RPS6KC1: variants seen among roughly 807,000 people sequenced by gnomAD.
The protein encoded by RPS6KC1 is ribosomal protein S6 kinase C1, also known as inactive ribosomal protein S6 kinase delta-1.
RPS6KC1 carries 54 observed loss-of-function variants against 103.8 expected under a neutral mutation model. That is an observed-to-expected ratio of 0.52 (90% CI 0.42 to 0.65). RPS6KC1 has a LOEUF of 0.65. Among genes scored for constraint, RPS6KC1 ranks in the 30% least tolerant of loss-of-function variants. RPS6KC1 has a pLI of 0.00. For missense variants in RPS6KC1, 1,151 were observed against 1,253.8 expected (o/e 0.92, Z 1.24); for synonymous variants, 439 against 438.7 (o/e 1.00, Z -0.01).
At chr1:213,188,664 A>G (rs1280472137) in intron 8 of RPS6KC1, among the ~76,000 whole-genome samples, 1 of 152,212 alleles carries the variant, frequency 6.6e-6, no homozygotes, top group Non-Finnish European at 1.5e-5. Context: ...AGATGTAAAT[A>G]TAACAAGACA....
At position 213,064,211 on chromosome 1, in the gene RPS6KC1, C is replaced by T. The variant is rs2078087627; in HGVS notation, c.106-6795C>T. 2.0e-5 allele frequency among the ~76,000 whole-genome samples: 3 copies of T among 152,084 alleles called. No homozygotes were observed. The East Asian group carries it at 5.8e-4, about 29-fold the overall frequency. ...AGTTGGGACTACAGGCACATGCCAC[C>T]ACACCCGGCTCATTTTTGTATTTTT... On this transcript the variant is annotated intron_variant, in intron 1 of 14. Coordinates refer to ENST00000366960, the MANE Select transcript of RPS6KC1 (RefSeq NM_012424.6).
At chr1:213,614,688 A>T in the RPS6KC1 span, among the ~76,000 whole-genome samples, 2 of 152,104 alleles carry the variant, frequency 1.3e-5, no homozygotes, top group African/African-American at 4.8e-5. Context: ...TTCCTTTTGA[A>T]TGATGGCAAT....
At chr1:213,812,428 A>T in the RPS6KC1 span, among the ~76,000 whole-genome samples, 2 of 152,198 alleles carry the variant, frequency 1.3e-5, no homozygotes, top group Non-Finnish European at 2.9e-5. Context: ...TCTCCTTAAC[A>T]CAGTGTATGA....
At chr1:213,353,906 A>C in the RPS6KC1 span, among the ~76,000 whole-genome samples, 11,281 of 152,270 alleles carry the variant, frequency 0.074, 492 homozygotes, top group Middle Eastern at 0.11. Flanking sequence ...GATGTGGAAA[A>C]GCCGAGGGAA....
At chr1:213,441,845 C>A in the RPS6KC1 span, among the ~76,000 whole-genome samples, 19 of 152,272 alleles carry the variant, frequency 1.2e-4, no homozygotes, top group Admixed American at 5.2e-4. Flanking sequence ...GAGTAATTTT[C>A]AAATGTTCTC....
intron 3 of RPS6KC1, among the ~76,000 whole-genome samples, chr1:213,084,913 G>A (rs756657901): frequency 1.8e-4 from 27 of 152,190 alleles, no homozygotes; most frequent in Non-Finnish European, 3.4e-4. Context: ...GGCACATGAT[G>A]TCTGTCTGCC....
the RPS6KC1 span, among the ~76,000 whole-genome samples, chr1:213,784,355 G>T: frequency 1.2e-4 from 19 of 152,286 alleles, no homozygotes; most frequent in African/African-American, 4.1e-4. Flanking sequence ...CATGAAGTTG[G>T]TCAAAGCCAC....
the RPS6KC1 span, chr1:213,836,106 A>G: frequency 6.6e-6 from 1 of 152,126 alleles, no homozygotes; most frequent in Non-Finnish European, 1.5e-5. Context: ...AGAGAATCAA[A>G]ACATGCCAAA....
At chr1:213,140,778 G>A (rs2086923382) in intron 6 of RPS6KC1, among the ~76,000 whole-genome samples, 1 of 151,470 alleles carries the variant, frequency 6.6e-6, no homozygotes, top group Non-Finnish European at 1.5e-5. Context: ...CATTCATCAA[G>A]GATAGTGGTT....
At chr1:213,181,414 A>G (rs574553282) in intron 8 of RPS6KC1, among the ~76,000 whole-genome samples, 1 of 152,380 alleles carries the variant, frequency 6.6e-6, no homozygotes, top group East Asian at 1.9e-4. Flanking sequence ...GATGCCTGCC[A>G]GGCAGAATTC....
At chr1:213,314,892 G>A in the RPS6KC1 span, among the ~76,000 whole-genome samples, 1 of 152,064 alleles carries the variant, frequency 6.6e-6, no homozygotes, top group Non-Finnish European at 1.5e-5. Flanking sequence ...TGGATAGAAT[G>A]GCTGCGAGTC....
the RPS6KC1 span, among the ~76,000 whole-genome samples, chr1:213,347,492 C>G: frequency 3.3e-5 from 5 of 152,084 alleles, no homozygotes; most frequent in African/African-American, 1.2e-4. Context: ...TCACTTGAAA[C>G]CAGGAGTTTG....
intron 1 of RPS6KC1, among the ~76,000 whole-genome samples, chr1:213,064,118 G>A (rs774235481): frequency 3.3e-5 from 5 of 152,062 alleles, no homozygotes; most frequent in East Asian, 1.9e-4. Context: ...GTGCAATGGC[G>A]TGATCTTGGC....
the RPS6KC1 span, among the ~76,000 whole-genome samples, chr1:213,298,801 A>G: frequency 6.6e-6 from 1 of 152,096 alleles, no homozygotes; most frequent in African/African-American, 2.4e-5. Flanking sequence ...GAGAAACCAC[A>G]GTTTTAGTTT....
the RPS6KC1 span, among the ~76,000 whole-genome samples, chr1:213,696,237 C>A: frequency 1.3e-5 from 2 of 151,984 alleles, no homozygotes; most frequent in East Asian, 1.9e-4. Context: ...TGGTGGCTCA[C>A]GCCTGTAATT....
chr1:213,736,446 G>T, the RPS6KC1 span, among the ~76,000 whole-genome samples: 1 of 152,166 alleles, frequency 6.6e-6, no homozygotes, highest in South Asian at 2.1e-4. Flanking sequence ...TTGCCAAGAG[G>T]CCTTTTCCAA....
chr1:213,670,882 G>A, the RPS6KC1 span, among the ~76,000 whole-genome samples: 1 of 152,172 alleles, frequency 6.6e-6, no homozygotes, highest in Non-Finnish European at 1.5e-5. Flanking sequence ...AAAGACCCTA[G>A]CTCAATTAGG....
At chr1:213,450,324 A>C in the RPS6KC1 span, among the ~76,000 whole-genome samples, 2 of 150,818 alleles carry the variant, frequency 1.3e-5, no homozygotes, top group Non-Finnish European at 2.9e-5. Flanking sequence ...CAATAAGCTG[A>C]GTTTGTAGAT....
chr1:213,157,795 A>T (rs941466699), intron 6 of RPS6KC1, among the ~76,000 whole-genome samples: 1 of 151,966 alleles, frequency 6.6e-6, no homozygotes, highest in Non-Finnish European at 1.5e-5. Flanking sequence ...AATATTGTTG[A>T]ATTGTCTGTT....
Sources: allele counts gnomAD v4.1 joint callset (sites outside exome capture counted in the v4.1 genomes callset), GRCh38; gene constraint gnomAD v4.1.1; transcripts MANE v1.5; gene names NCBI Gene and HGNC (gene_info 2026-07-23, HGNC 2026-07-21).